SCLT1: variants seen among roughly 807,000 people sequenced by gnomAD.
The protein encoded by SCLT1 is sodium channel-associated protein 1.
A neutral mutation model predicts 112.8 loss-of-function variants in SCLT1; 78 were observed. The ratio of observed to expected loss-of-function variants is 0.69; its 90% CI spans 0.58 to 0.83. The LOEUF is 0.83. Among genes scored for constraint, SCLT1 ranks in the 40% least tolerant of loss-of-function variants. The pLI is 0.00. For missense variants in SCLT1, 747 were observed against 770.4 expected (o/e 0.97, Z 0.36); for synonymous variants, 257 against 254.7 (o/e 1.01, Z -0.09).
intron 18 of SCLT1, among the ~76,000 whole-genome samples, chr4:128,904,104 A>G (rs1419299958): frequency 6.6e-6 from 1 of 152,136 alleles, no homozygotes. Context: ...ATGATATTTT[A>G]AAGAGTATTT....
At chr4:129,011,101 C>A (rs1269137013) in intron 5 of SCLT1, among the ~76,000 whole-genome samples, 1 of 152,160 alleles carries the variant, frequency 6.6e-6, no homozygotes, top group Non-Finnish European at 1.5e-5. Context: ...CCTTCAATAC[C>A]TAGCTTATTG....
chr4:128,938,284 C>CCAA (rs1737381650), intron 17 of SCLT1, among the ~76,000 whole-genome samples: 1 of 152,066 alleles, frequency 6.6e-6, no homozygotes, highest in African/African-American at 2.4e-5. Flanking sequence ...AAAACAAGGC[C>CCAA]CAACAACAAC....
At chr4:128,983,728 T>G (rs1469738235) in intron 9 of SCLT1, among the ~76,000 whole-genome samples, 1 of 152,158 alleles carries the variant, frequency 6.6e-6, no homozygotes, top group East Asian at 1.9e-4. Flanking sequence ...TGAAATATGA[T>G]TAAAGCTTTA....
intron 2 of SCLT1, among the ~76,000 whole-genome samples, chr4:129,045,916 T>C (rs1296098590): frequency 6.6e-6 from 1 of 151,976 alleles, no homozygotes; most frequent in Non-Finnish European, 1.5e-5. Context: ...TCCTTATCCA[T>C]TGGATGGATT....
At chr4:128,944,868 C>G (rs969210319) in intron 16 of SCLT1, 3 of 152,092 alleles carry the variant, frequency 2.0e-5, no homozygotes, top group African/African-American at 7.2e-5. Context: ...AGTCATTTCT[C>G]ATTTCCTTAA....
intron 18 of SCLT1, among the ~76,000 whole-genome samples, chr4:128,922,408 C>T (rs1735953778): frequency 6.6e-6 from 1 of 152,008 alleles, no homozygotes; most frequent in South Asian, 2.1e-4. Flanking sequence ...CTTAAATGCC[C>T]ATCAATGGTA....
At chr4:128,900,557 C>G (rs1734192854) in intron 18 of SCLT1, among the ~76,000 whole-genome samples, 1 of 152,272 alleles carries the variant, frequency 6.6e-6, no homozygotes. Context: ...AATGTTAGAC[C>G]TAAAACTATA....
Position 129,049,526 on chromosome 4 carries a change from G to A in SCLT1, c.103-5475C>T, listed in dbSNP as rs528444379. Reference sequence around the variant, plus strand: ...GATAGCATTAGGAGATACACCTAACGCTAAATGACGAGTTAATGTGTGCAG... The same window carrying A: ...GATAGCATTAGGAGATACACCTAACACTAAATGACGAGTTAATGTGTGCAG... On this transcript the variant is annotated intron_variant, in intron 2 of 20. Coordinates refer to ENST00000281142, the MANE Select transcript of SCLT1 (RefSeq NM_144643.4). 4.0e-5 allele frequency among the ~76,000 whole-genome samples: 6 copies of A among 149,770 alleles called. No individual in the cohort carries two copies. In the South Asian group the frequency reaches 6.4e-4, roughly 16 times the overall value.
intron 18 of SCLT1, among the ~76,000 whole-genome samples, chr4:128,897,702 G>T (rs981882172): frequency 1.1e-4 from 16 of 152,170 alleles, no homozygotes; most frequent in Non-Finnish European, 1.9e-4. Context: ...TGCGCTAAAT[G>T]CTCCAATTAA....
intron 11 of SCLT1, among the ~76,000 whole-genome samples, chr4:128,960,782 CG>C: frequency 6.6e-6 from 1 of 150,544 alleles, no homozygotes; most frequent in Non-Finnish European, 1.5e-5. Context: ...TAGCCGGGCT[CG>C]GTGGCGGGCG....
chr4:128,900,896 T>G (rs1734229507), intron 18 of SCLT1, among the ~76,000 whole-genome samples: 1 of 152,034 alleles, frequency 6.6e-6, no homozygotes, highest in Non-Finnish European at 1.5e-5. Context: ...AAGAAGACAT[T>G]TATGCAGCCA....
At chr4:129,026,968 C>G (rs1269909480) in intron 5 of SCLT1, among the ~76,000 whole-genome samples, 3 of 152,052 alleles carry the variant, frequency 2.0e-5, no homozygotes, top group Non-Finnish European at 2.9e-5. Flanking sequence ...GGATAAATTC[C>G]TCGACACATA....
Position 128,888,686 on chromosome 4 carries a change from G to A in SCLT1, c.1997C>T (p.Ser666Phe). The change falls in exon 20 of 21, where the codon TCC becomes TTC. Residue 666 changes from serine to phenylalanine, a missense_variant. By Grantham distance (155) the Ser-to-Phe change is radical. Coordinates refer to ENST00000281142, the MANE Select transcript of SCLT1 (RefSeq NM_144643.4). ...SQAEERAASA[S>F]QQLSVITVQR... The stretch of plus-strand genomic sequence containing the variant: ...TAAGAGGATGCTCCCTACCTGCTGG[G>A]AAGCTGAAGCAGCTCTCTCTTCTGC... 2 of 1,604,784 alleles carry A rather than the reference G, an allele frequency of 1.2e-6. No homozygotes were observed. The highest frequency in any genetic ancestry group is 1.7e-6 in the Non-Finnish European group (2 of 1,172,414).
chr4:128,899,216 A>T (rs1022993950), intron 18 of SCLT1, among the ~76,000 whole-genome samples: 21 of 152,324 alleles, frequency 1.4e-4, no homozygotes, highest in Non-Finnish European at 2.6e-4. Flanking sequence ...GCAGAGACAC[A>T]ACAAAAAAAG....
At chr4:129,071,600 T>C (rs1751008647) in intron 2 of SCLT1, among the ~76,000 whole-genome samples, 1 of 152,116 alleles carries the variant, frequency 6.6e-6, no homozygotes, top group Non-Finnish European at 1.5e-5. Context: ...TTGTTTTGTC[T>C]GATATAAGAA....
At chr4:128,947,283 T>C (rs993948622) in intron 15 of SCLT1, among the ~76,000 whole-genome samples, 1 of 152,148 alleles carries the variant, frequency 6.6e-6, no homozygotes, top group African/African-American at 2.4e-5. Flanking sequence ...AAAACATTCA[T>C]CCCAAACCCT....
chr4:128,980,606 G>A (rs1322988405), intron 9 of SCLT1, among the ~76,000 whole-genome samples: 3 of 151,956 alleles, frequency 2.0e-5, no homozygotes, highest in Non-Finnish European at 1.5e-5. Flanking sequence ...TTTAAATGTC[G>A]AGAGAGCACT....
chr4:129,010,024 T>A (rs1744380440), intron 5 of SCLT1, among the ~76,000 whole-genome samples: 1 of 152,224 alleles, frequency 6.6e-6, no homozygotes, highest in African/African-American at 2.4e-5. Context: ...CTTTGCCCAC[T>A]CCTATGTCCA....
chr4:128,956,973 G>C lies in SCLT1; in HGVS notation c.1146+53C>G, dbSNP rs983507932. 3 of 912,176 alleles carry C rather than the reference G, an allele frequency of 3.3e-6. No individual in the cohort carries two copies. The African/African-American group carries it at 5.2e-5, about 16-fold the overall frequency. 56.5% of individuals were successfully genotyped at this position (912,176 alleles called of 1,614,324 possible). ...TTTACAAATATTTAGGTAGAATTTA[G>C]TCTTTAGTTGTGACTTAAATTCTGA... On this transcript the variant is annotated intron_variant, in intron 13 of 20. Coordinates refer to ENST00000281142, the MANE Select transcript of SCLT1 (RefSeq NM_144643.4).
Sources: gnomAD v4.1 joint callset for allele counts (sites outside exome capture counted in the v4.1 genomes callset) on GRCh38, gnomAD v4.1.1 for gene constraint, MANE v1.5 for transcripts, NCBI Gene and HGNC (gene_info 2026-07-23, HGNC 2026-07-21) for gene names.